Variants in ANKRD26 observed in about 807,000 individuals in gnomAD.
The protein encoded by ANKRD26 is ankyrin repeat domain 26, also known as ankyrin repeat domain-containing protein 26.
Under a neutral mutation model 208.7 loss-of-function variants are expected in ANKRD26, and 141 were observed. The observed-to-expected ratio is 0.68, with a 90% CI of 0.59 to 0.78. The LOEUF (loss-of-function observed/expected upper bound fraction) is 0.78, where lower values mean the gene tolerates loss of function less well. Among genes scored for constraint, ANKRD26 ranks in the 30% least tolerant of loss-of-function variants. The pLI is 0.00. For synonymous variants in ANKRD26, 636 were observed against 660.4 expected (o/e 0.96, Z 0.57); for missense variants, 1,889 against 1,938.7 (o/e 0.97, Z 0.48).
intron 1 of ANKRD26, among the ~76,000 whole-genome samples, chr10:27,096,648 C>T (rs1437737490): frequency 2.0e-5 from 3 of 151,690 alleles, no homozygotes; most frequent in Admixed American, 1.3e-4. Flanking sequence ...TGCCTGGAAT[C>T]CCAGCTGTTT....
chr10:27,039,685 A>G (rs1418626701), intron 21 of ANKRD26, among the ~76,000 whole-genome samples: 1 of 152,198 alleles, frequency 6.6e-6, no homozygotes. Context: ...AGCATTAACT[A>G]TAATACAAAA....
At position 27,037,285 on chromosome 10, in the gene ANKRD26, A is replaced by G. The variant is rs765496803; in HGVS notation, c.2598T>C (p.Ser866=). 1 of 1,613,926 alleles carries G rather than the reference A, an allele frequency of 6.2e-7. No individual in the cohort carries two copies. Among genetic ancestry groups the G allele is most frequent in the South Asian group, 1.1e-5 (1 of 91,064 alleles). ...GTAACATTCTGGCATTCTGTTCTCG[A>G]GAAAGTTGCCTCTGAGCGTCATTTC... ...QERNDAQRQL[S]REQNARMLQD... is the part of the protein sequence containing the mutation. The change falls in exon 23 of 34, where the codon TCT becomes TCC. Residue 866 remains serine, a synonymous_variant. Transcript: ENST00000376087.
chr10:26,996,844 C>T (rs1027211667), intron 4 of ANKRD26, among the ~76,000 whole-genome samples: 11 of 152,110 alleles, frequency 7.2e-5, no homozygotes, highest in African/African-American at 2.2e-4. Context: ...GGGAGGTTTA[C>T]GGCTCCTTGC....
intron 1 of ANKRD26, among the ~76,000 whole-genome samples, chr10:27,095,665 C>A (rs1247525573): frequency 6.6e-6 from 1 of 152,072 alleles, no homozygotes; most frequent in Non-Finnish European, 1.5e-5. Flanking sequence ...ATAATCTCCT[C>A]TCAAAAAAAT....
In ANKRD26 at chr10:27,048,246, A is replaced by T. The variant is rs556154353; in HGVS notation, c.1814+555T>A. On this transcript the variant is annotated intron_variant, in intron 17 of 33. Transcript: ENST00000376087. ...ATTCAAATTAATTTGAGAGCCCAACATTTGGGATACTATAATAAATATCCT... is the reference window on the plus strand; with the variant it reads ...ATTCAAATTAATTTGAGAGCCCAACTTTTGGGATACTATAATAAATATCCT... 3.9e-5 allele frequency among the ~76,000 whole-genome samples: 6 copies of T among 152,302 alleles called. No homozygotes were observed. In the South Asian group the frequency reaches 1.2e-3, roughly 32 times the overall value.
intron 4 of ANKRD26, among the ~76,000 whole-genome samples, chr10:27,090,463 A>C (rs1455420018): frequency 6.6e-6 from 1 of 152,208 alleles, no homozygotes; most frequent in African/African-American, 2.4e-5. Context: ...TTATGTGCAC[A>C]GATAATTTGA....
chr10:27,017,888 G>A, intron 29 of ANKRD26, 96 bp from the exon 30 acceptor site: 2 of 1,143,070 alleles, frequency 1.7e-6, no homozygotes, highest in Non-Finnish European at 2.5e-6. Context: ...AAATTCAGTT[G>A]CAATAAAATG....
chr10:27,008,328 T>C (rs1037243588), intron 32 of ANKRD26, among the ~76,000 whole-genome samples: 2 of 152,040 alleles, frequency 1.3e-5, no homozygotes, highest in African/African-American at 4.8e-5. Context: ...GACAATAACA[T>C]TATAGATAGG....
At chr10:27,092,974 T>A (rs552778374) in intron 3 of ANKRD26, among the ~76,000 whole-genome samples, 2 of 152,024 alleles carry the variant, frequency 1.3e-5, no homozygotes, top group Admixed American at 1.3e-4. Flanking sequence ...TCCCAGCTAC[T>A]CAGGAGGCTG....
intron 29 of ANKRD26, among the ~76,000 whole-genome samples, chr10:27,022,334 G>T (rs2135031345): frequency 6.6e-6 from 1 of 152,140 alleles, no homozygotes; most frequent in African/African-American, 2.4e-5. Flanking sequence ...TAATACTTGG[G>T]TGACAAAATA....
At chr10:27,066,352 G>T in intron 11 of ANKRD26, 135 bp downstream of exon 11, 1 of 564,502 alleles carries the variant, frequency 1.8e-6, no homozygotes, top group Non-Finnish European at 3.0e-6. Flanking sequence ...TATTAATTAT[G>T]AACTGAAAAA....
At chr10:27,016,309 G>A (rs1204729371) in intron 30 of ANKRD26, among the ~76,000 whole-genome samples, 1 of 151,968 alleles carries the variant, frequency 6.6e-6, no homozygotes, top group African/African-American at 2.4e-5. Flanking sequence ...GTTTTGTTTT[G>A]TATTTGAGAC....
chr10:27,067,174 T>A lies in ANKRD26; in HGVS notation c.1190A>T (p.His397Leu). 1 of 1,613,634 alleles carries A rather than the reference T, an allele frequency of 6.2e-7. No individual in the cohort carries two copies. The highest frequency in any genetic ancestry group is 8.5e-7 in the Non-Finnish European group (1 of 1,179,670). ...TAACTTACCACTTCTATTATTTTTGTGCACTTCATCAACATAAGTCAAATT... is the reference window on the plus strand; with the variant it reads ...TAACTTACCACTTCTATTATTTTTGAGCACTTCATCAACATAAGTCAAATT... ...NDNLTYVDEVHKNNRSDMMSA... is the reference protein window; with the variant it reads ...NDNLTYVDEVLKNNRSDMMSA... The change falls in exon 10 of 34, where the codon CAC (histidine) becomes CTC (leucine). Residue 397 changes from histidine to leucine, a missense_variant. His to Leu is a moderately conservative substitution (Grantham distance 99). This residue lies in a region of ANKRD26 where 1,272 missense variants were observed against 1,273.8 expected (regional missense o/e 1.00). Coordinates refer to ENST00000376087, the MANE Select transcript of ANKRD26 (RefSeq NM_014915.3).
intron 29 of ANKRD26, among the ~76,000 whole-genome samples, chr10:27,019,156 T>C (rs1449669426): frequency 6.6e-6 from 1 of 152,018 alleles, no homozygotes; most frequent in African/African-American, 2.4e-5. Flanking sequence ...GGTGGGCACC[T>C]GTAGTCCCAG....
intron 1 of ANKRD26, among the ~76,000 whole-genome samples, chr10:27,098,390 G>C (rs564709883): frequency 6.6e-6 from 1 of 152,042 alleles, no homozygotes; most frequent in African/African-American, 2.4e-5. Context: ...AAGAAAGTGG[G>C]AAATGATTTT....
intron 19 of ANKRD26, among the ~76,000 whole-genome samples, chr10:27,043,941 T>C (rs1388639263): frequency 6.6e-6 from 1 of 151,836 alleles, no homozygotes; most frequent in Non-Finnish European, 1.5e-5. Flanking sequence ...ACAGGCATGC[T>C]CACCACGCCT....
chr10:27,069,806 A>C (rs2055413057), intron 9 of ANKRD26, among the ~76,000 whole-genome samples: 1 of 152,168 alleles, frequency 6.6e-6, no homozygotes, highest in Non-Finnish European at 1.5e-5. Context: ...CATGGGATTT[A>C]AGGTTTCAAT....
chr10:27,042,407 G>A (rs1156242821), intron 20 of ANKRD26, among the ~76,000 whole-genome samples: 12 of 152,072 alleles, frequency 7.9e-5, no homozygotes, highest in Non-Finnish European at 1.5e-4. Flanking sequence ...ACTTGAGGTC[G>A]GGAGTTTGAG....
chr10:26,998,690 A>G (rs1181844014), intron 4 of ANKRD26, among the ~76,000 whole-genome samples: 1 of 152,186 alleles, frequency 6.6e-6, no homozygotes, highest in Non-Finnish European at 1.5e-5. Context: ...TTCCTCTATT[A>G]TTGGTTGTTT....
Sources: allele counts gnomAD v4.1 joint callset (sites outside exome capture counted in the v4.1 genomes callset), GRCh38; gene constraint gnomAD v4.1.1; regional missense constraint gnomAD v4.1.1; transcripts MANE v1.5; gene names NCBI Gene and HGNC (gene_info 2026-07-23, HGNC 2026-07-21).